The following DAAM1 variants were observed in gnomAD, a reference collection of about 807,000 sequenced individuals.
The protein encoded by DAAM1 is dishevelled associated activator of morphogenesis 1, also known as disheveled-associated activator of morphogenesis 1.
In DAAM1, 52 loss-of-function variants were observed where a neutral mutation model predicts 130.0. The observed-to-expected ratio is 0.40, with a 90% CI of 0.32 to 0.50. The LOEUF (loss-of-function observed/expected upper bound fraction) is 0.50, where lower values mean the gene tolerates loss of function less well. Ranked by LOEUF, DAAM1 falls within the 20% of genes least tolerant of loss-of-function variation. The probability of loss-of-function intolerance (pLI) is 0.61; values close to 1 mark genes in which losing one functional copy is unlikely to be tolerated. For synonymous variants in DAAM1, 452 were observed against 444.5 expected (o/e 1.02, Z -0.21); for missense variants, 1,134 against 1,303.8 (o/e 0.87, Z 2.01).
intron 1 of DAAM1, among the ~76,000 whole-genome samples, chr14:59,224,666 GA>G (rs1005293091): frequency 6.6e-6 from 1 of 152,254 alleles, no homozygotes; most frequent in Non-Finnish European, 1.5e-5. Flanking sequence ...TGGGGCTATT[GA>G]GGTGGAATTA....
intron 1 of DAAM1, among the ~76,000 whole-genome samples, chr14:59,218,253 C>T (rs138241301): frequency 6.6e-6 from 1 of 152,330 alleles, no homozygotes; most frequent in African/African-American, 2.4e-5. Context: ...AAAACATTGC[C>T]ATCATCACAG....
At chr14:59,229,477 T>C (rs913072246) in intron 1 of DAAM1, among the ~76,000 whole-genome samples, 2 of 152,218 alleles carry the variant, frequency 1.3e-5, no homozygotes, top group Non-Finnish European at 2.9e-5. Context: ...TCACTTCACA[T>C]TGCTCTTCAG....
chr14:59,241,378 G>A (rs549789906), intron 1 of DAAM1, among the ~76,000 whole-genome samples: 1 of 152,156 alleles, frequency 6.6e-6, no homozygotes, highest in South Asian at 2.1e-4. Context: ...CTTCCAGTGG[G>A]ACCTCTTTCC....
At chr14:59,239,474 G>T (rs933522510) in intron 1 of DAAM1, among the ~76,000 whole-genome samples, 1 of 152,092 alleles carries the variant, frequency 6.6e-6, no homozygotes, top group Non-Finnish European at 1.5e-5. Context: ...TATTCACCAC[G>T]CTCTTACCTA....
At chr14:59,301,980 G>A (rs573977395) in intron 3 of DAAM1, among the ~76,000 whole-genome samples, 1 of 152,256 alleles carries the variant, frequency 6.6e-6, no homozygotes, top group East Asian at 1.9e-4. Flanking sequence ...TCCCATATCT[G>A]AAACTTTAAA....
chr14:59,312,366 G>T (rs1384701536), intron 3 of DAAM1, among the ~76,000 whole-genome samples: 1 of 152,206 alleles, frequency 6.6e-6, no homozygotes, highest in East Asian at 1.9e-4. Flanking sequence ...TCACAAAGAT[G>T]CTATGAGGAG....
At chr14:59,297,436 C>T (rs1287928165) in intron 3 of DAAM1, among the ~76,000 whole-genome samples, 1 of 152,126 alleles carries the variant, frequency 6.6e-6, no homozygotes, top group Non-Finnish European at 1.5e-5. Flanking sequence ...CTGTAAACAA[C>T]TTAGAGGAGG....
At chr14:59,307,271 G>A (rs569113863) in intron 3 of DAAM1, among the ~76,000 whole-genome samples, 3 of 152,292 alleles carry the variant, frequency 2.0e-5, no homozygotes, top group South Asian at 4.1e-4. Context: ...AATTGAGTCT[G>A]ATACAATTGA....
rs768773077 is a variant in DAAM1 at position 59,263,620 on chromosome 14, C to A, written c.143C>A (p.Pro48His). 1.8e-5 allele frequency: 29 copies of A among 1,614,054 alleles called. No individual in the cohort carries two copies. The highest frequency in any genetic ancestry group is 4.0e-5 in the African/African-American group (3 of 74,902). The change falls in exon 2 of 25, where the codon CCC becomes CAC. Residue 48 changes from proline to histidine, a missense_variant. Coordinates refer to ENST00000360909, the MANE Select transcript of DAAM1 (RefSeq NM_001270520.2). ...LQTMEPALPM[P>H]PVEELDVMFS... ...ACCATGGAACCAGCATTGCCCATGC[C>A]CCCTGTGGAGGAGCTGGATGTCATG...
rs17095963 is a variant in DAAM1, at chr14:59,258,289, A to G, written c.-37-5152A>G. ...CATAAACATCTCTACCTTTACCAGC[A>G]AATCAAGTGTGTTTGGGCATGGGCA... On this transcript the variant is annotated intron_variant, in intron 1 of 24. Transcript: ENST00000360909. Among the ~76,000 whole-genome samples the G allele has an allele frequency of 7.2e-3, 1,093 of 152,326 alleles. 15 individuals are homozygous for G. Among genetic ancestry groups the G allele is most frequent in the African/African-American group, 0.026 (1,061 of 41,574 alleles).
chr14:59,366,655 G>A (rs564614279), intron 23 of DAAM1, among the ~76,000 whole-genome samples: 1 of 152,252 alleles, frequency 6.6e-6, no homozygotes, highest in East Asian at 1.9e-4. Flanking sequence ...GGAATAAATG[G>A]TTTCAAAAGC....
At chr14:59,366,507 T>G (rs1310569020) in intron 23 of DAAM1, among the ~76,000 whole-genome samples, 1 of 152,144 alleles carries the variant, frequency 6.6e-6, no homozygotes, top group Non-Finnish European at 1.5e-5. Context: ...AAAGTACAAG[T>G]TTCCCTCCCC....
At chr14:59,329,529 T>C (rs948854439) in intron 12 of DAAM1, among the ~76,000 whole-genome samples, 1 of 152,172 alleles carries the variant, frequency 6.6e-6, no homozygotes, top group Admixed American at 6.5e-5. Context: ...GTTAGCAAAT[T>C]CAGAAATAGA....
chr14:59,197,723 T>G (rs1035268379), intron 1 of DAAM1, among the ~76,000 whole-genome samples: 5 of 152,242 alleles, frequency 3.3e-5, no homozygotes, highest in Admixed American at 1.3e-4. Flanking sequence ...GTGTCTGAAG[T>G]TACGTTTCTT....
At chr14:59,204,508 G>A (rs1457660897) in intron 1 of DAAM1, among the ~76,000 whole-genome samples, 1 of 152,148 alleles carries the variant, frequency 6.6e-6, no homozygotes, top group Non-Finnish European at 1.5e-5. Context: ...CCCTGATTAG[G>A]CCAAGCCCAC....
At chr14:59,223,892 A>G (rs79931025) in intron 1 of DAAM1, among the ~76,000 whole-genome samples, 3,983 of 152,284 alleles carry the variant, frequency 0.026, 93 homozygotes, top group Non-Finnish European at 0.035. Flanking sequence ...CTTAACACAC[A>G]AATGTCTTAC....
chr14:59,289,994 G>A (rs1333842502), intron 2 of DAAM1, among the ~76,000 whole-genome samples: 2 of 151,986 alleles, frequency 1.3e-5, no homozygotes, highest in East Asian at 3.9e-4. Flanking sequence ...GGAAGGTGGT[G>A]GGGGTGTTGG....
At chr14:59,293,530 T>C (rs1455924791) in intron 3 of DAAM1, among the ~76,000 whole-genome samples, 1 of 152,172 alleles carries the variant, frequency 6.6e-6, no homozygotes, top group Non-Finnish European at 1.5e-5. Flanking sequence ...CCTGGCTGGA[T>C]TGCACAGACC....
Position 59,263,517 on chromosome 14 carries a change from A to G in DAAM1, c.40A>G (p.Ile14Val). Residue 14 changes from isoleucine to valine, a missense_variant, in exon 2 of 25, where the codon ATC becomes GTC. Transcript: ENST00000360909. ...GAGAGGTGGACGAGGTATTTCATTC[A>G]TCTTTTGCTGTTTCCGAAATAATGA... ...RKRGGRGISF[I>V]FCCFRNNDHP... The G allele has an allele frequency of 1.9e-6, 3 of 1,614,246 alleles. No homozygotes were observed. Among genetic ancestry groups the G allele is most frequent in the Non-Finnish European group, 2.5e-6 (3 of 1,180,040 alleles).
Sources: allele counts gnomAD v4.1 joint callset (sites outside exome capture counted in the v4.1 genomes callset), GRCh38; gene constraint gnomAD v4.1.1; transcripts MANE v1.5; gene names NCBI Gene and HGNC (gene_info 2026-07-23, HGNC 2026-07-21).